GRID2: variants seen among roughly 807,000 people sequenced by gnomAD.
GRID2 encodes the protein glutamate receptor ionotropic, delta-2.
GRID2 carries 33 observed loss-of-function variants against 114.8 expected under a neutral mutation model. The observed-to-expected ratio is 0.29, with a 90% CI of 0.22 to 0.38. The LOEUF (loss-of-function observed/expected upper bound fraction) is 0.38. Among genes scored for constraint, GRID2 ranks in the 10% least tolerant of loss-of-function variants. The pLI, the probability that GRID2 is intolerant of heterozygous loss-of-function variation, is 1.00. For synonymous variants in GRID2, 505 were observed against 449.9 expected, an observed-to-expected ratio of 1.12 and a Z score of -1.55; for missense variants, 1,184 against 1,257.7, an observed-to-expected ratio of 0.94 and a Z score of 0.89.
intron 6 of GRID2, among the ~76,000 whole-genome samples, chr4:93,219,723 A>T (rs1219957474): frequency 1.3e-5 from 2 of 152,220 alleles, no homozygotes; most frequent in Non-Finnish European, 2.9e-5. Flanking sequence ...TTTTTGCAAC[A>T]TATGTAACAA....
intron 2 of GRID2, among the ~76,000 whole-genome samples, chr4:92,997,869 T>C (rs1468356969): frequency 2.0e-5 from 3 of 151,970 alleles, no homozygotes; most frequent in Non-Finnish European, 1.5e-5. Context: ...TAGTGGCTCA[T>C]GGAAAAAATT....
chr4:93,217,034 A>C, intron 6 of GRID2, 123 bp downstream of exon 6: 1 of 641,702 alleles, frequency 1.6e-6, no homozygotes, highest in Middle Eastern at 2.9e-4. Flanking sequence ...CTCCTCCAGC[A>C]ATTTCATAAG....
At chr4:92,484,194 T>C (rs1364230092) in intron 1 of GRID2, among the ~76,000 whole-genome samples, 1 of 152,150 alleles carries the variant, frequency 6.6e-6, no homozygotes, top group Non-Finnish European at 1.5e-5. Flanking sequence ...TTTATAGTAA[T>C]TGTAACCTAC....
At chr4:93,407,756 C>T (rs1310315903) in intron 9 of GRID2, among the ~76,000 whole-genome samples, 6 of 102,212 alleles carry the variant, frequency 5.9e-5, no homozygotes, top group East Asian at 3.0e-4. Flanking sequence ...TCCTCCTCCT[C>T]GTCCTCCTCC....
chr4:93,090,373 T>G (rs1310948936), intron 3 of GRID2, among the ~76,000 whole-genome samples: 1 of 152,132 alleles, frequency 6.6e-6, no homozygotes, highest in Non-Finnish European at 1.5e-5. Context: ...AAGCATTAAT[T>G]TAGATACAAA....
intron 2 of GRID2, among the ~76,000 whole-genome samples, chr4:92,999,433 G>A (rs1391552084): frequency 6.6e-6 from 1 of 151,756 alleles, no homozygotes; most frequent in Admixed American, 6.6e-5. Context: ...AACTGGGATA[G>A]TTGGTCACCC....
intron 10 of GRID2, among the ~76,000 whole-genome samples, chr4:93,425,597 C>A (rs1314635756): frequency 6.6e-6 from 1 of 152,164 alleles, no homozygotes; most frequent in Admixed American, 6.5e-5. Context: ...TTCCTAGGAT[C>A]TCTCCCATAT....
At chr4:92,749,411 C>T (rs1186586786) in intron 2 of GRID2, among the ~76,000 whole-genome samples, 10 of 148,210 alleles carry the variant, frequency 6.7e-5, no homozygotes, top group East Asian at 2.0e-4. Flanking sequence ...GCCTCCCGGG[C>T]TCAAGCAATT....
chr4:92,879,099 T>A (rs1310362617), intron 2 of GRID2, among the ~76,000 whole-genome samples: 5 of 152,202 alleles, frequency 3.3e-5, no homozygotes, highest in Admixed American at 6.5e-5. Context: ...TATTCTATTT[T>A]CAATTTCGTT....
chr4:93,246,456 G>A (rs544649461), intron 8 of GRID2, among the ~76,000 whole-genome samples: 11 of 151,676 alleles, frequency 7.3e-5, no homozygotes, highest in East Asian at 2.0e-4. Context: ...GTGTGGTGGC[G>A]GGCACCTGCA....
At chr4:92,384,478 ATT>A (rs1491442452) in intron 1 of GRID2, among the ~76,000 whole-genome samples, 121 of 57,318 alleles carry the variant, frequency 2.1e-3, no homozygotes, top group Non-Finnish European at 2.8e-3. Flanking sequence ...ATATATATAT[ATT>A]ATTTATATAT....
At chr4:93,712,880 G>C (rs1337359365) in intron 14 of GRID2, among the ~76,000 whole-genome samples, 1 of 151,914 alleles carries the variant, frequency 6.6e-6, no homozygotes, top group East Asian at 1.9e-4. Flanking sequence ...TTACACAGCT[G>C]GCTTCTTCCA....
intron 8 of GRID2, among the ~76,000 whole-genome samples, chr4:93,268,934 A>G (rs1269104765): frequency 6.6e-6 from 1 of 152,140 alleles, no homozygotes; most frequent in Non-Finnish European, 1.5e-5. Context: ...CCCTTTCCTG[A>G]GCCTATTTTT....
intron 14 of GRID2, among the ~76,000 whole-genome samples, chr4:93,677,168 G>C (rs36055544): frequency 2.0e-5 from 3 of 152,008 alleles, no homozygotes; most frequent in African/African-American, 4.8e-5. Flanking sequence ...ACGGAGGCTC[G>C]CTGATTGCTA....
chr4:92,944,028 G>A (rs1751397195), intron 2 of GRID2, among the ~76,000 whole-genome samples: 1 of 152,182 alleles, frequency 6.6e-6, no homozygotes, highest in Non-Finnish European at 1.5e-5. Flanking sequence ...CTACTCAGGG[G>A]TCAGGGACCC....
chr4:93,050,210 A>G (rs1159565358), intron 2 of GRID2, among the ~76,000 whole-genome samples: 1 of 152,096 alleles, frequency 6.6e-6, no homozygotes, highest in Non-Finnish European at 1.5e-5. Context: ...TGGTAGTGGC[A>G]TCTTCATTTA....
At chr4:93,233,020 C>T (rs1746322669) in intron 7 of GRID2, among the ~76,000 whole-genome samples, 1 of 152,054 alleles carries the variant, frequency 6.6e-6, no homozygotes, top group Admixed American at 6.6e-5. Context: ...CCTACTTAGG[C>T]CTGAGAGTGA....
chr4:92,349,728 A>G (rs1727967784), intron 1 of GRID2, among the ~76,000 whole-genome samples: 2 of 151,798 alleles, frequency 1.3e-5, no homozygotes, highest in South Asian at 4.1e-4. Context: ...GTATTCCTAT[A>G]AAAATACAAT....
At chr4:93,727,370 C>T (rs1046961355) in intron 14 of GRID2, among the ~76,000 whole-genome samples, 7 of 152,098 alleles carry the variant, frequency 4.6e-5, no homozygotes, top group Admixed American at 4.6e-4. Context: ...TTTTGATGTG[C>T]TGCTGGATTC....
Sources: allele counts gnomAD v4.1 joint callset (sites outside exome capture counted in the v4.1 genomes callset), GRCh38; gene constraint gnomAD v4.1.1; transcripts MANE v1.5; gene names NCBI Gene and HGNC (gene_info 2026-07-23, HGNC 2026-07-21).